NR2F1-AS1: variants seen among roughly 807,000 people sequenced by gnomAD.
NR2F1-AS1 encodes the protein NR2F1 regulatory antisense RNA 1.
chr5:93,520,899 A>G, intron 4 of NR2F1-AS1, among the ~76,000 whole-genome samples: 1 of 152,174 alleles, frequency 6.6e-6, no homozygotes, highest in East Asian at 1.9e-4. Flanking sequence ...GCACTTAGAA[A>G]CATCACAATA....
At chr5:93,418,920 T>C (rs998682771) in intron 4 of NR2F1-AS1, among the ~76,000 whole-genome samples, 3 of 152,216 alleles carry the variant, frequency 2.0e-5, no homozygotes, top group Admixed American at 6.5e-5. Flanking sequence ...CCTGGGTGTG[T>C]TGGATAAACT....
rs576280244 is a variant in NR2F1-AS1, at chr5:93,540,880, G to A, written n.638+12881C>T. 1.5e-4 allele frequency among the ~76,000 whole-genome samples: 23 copies of A among 152,270 alleles called. No homozygotes were observed. The South Asian group carries it at 3.5e-3, about 23-fold the overall frequency. On this transcript the variant is annotated intron_variant and non_coding_transcript_variant, in intron 4 of 5. Transcript: ENST00000660523. ...ACCAATACAAAAAAATGGTCACTCC[G>A]TTCTACTGTGCAAGTACATGAGTGC... is the stretch of plus-strand genomic sequence containing the variant.
chr5:93,416,423 A>G (rs967633443), intron 4 of NR2F1-AS1, among the ~76,000 whole-genome samples: 3 of 152,204 alleles, frequency 2.0e-5, no homozygotes, highest in Non-Finnish European at 4.4e-5. Flanking sequence ...AAATTCTCAT[A>G]TAGAACAGAG....
intron 4 of NR2F1-AS1, among the ~76,000 whole-genome samples, chr5:93,496,734 C>T (rs186669376): frequency 4.0e-4 from 61 of 152,210 alleles, no homozygotes; most frequent in African/African-American, 1.3e-3. Flanking sequence ...TCTCTTGTTG[C>T]TCTTGTTAAT....
chr5:93,410,495 G>C (rs553715318), intron 4 of NR2F1-AS1: 2 of 152,510 alleles, frequency 1.3e-5, no homozygotes, highest in African/African-American at 4.8e-5. Flanking sequence ...ATCAGTGGCA[G>C]CCTTAGATTC....
intron 4 of NR2F1-AS1, among the ~76,000 whole-genome samples, chr5:93,431,763 T>C (rs1165590822): frequency 6.6e-6 from 1 of 152,238 alleles, no homozygotes; most frequent in African/African-American, 2.4e-5. Flanking sequence ...TTTGTATTCA[T>C]GGAGTACATG....
At chr5:93,560,387 T>C (rs1752460648) in intron 2 of NR2F1-AS1, among the ~76,000 whole-genome samples, 2 of 152,330 alleles carry the variant, frequency 1.3e-5, no homozygotes, top group Non-Finnish European at 2.9e-5. Context: ...AAACTATTTG[T>C]CAAAACTCAA....
intron 4 of NR2F1-AS1, among the ~76,000 whole-genome samples, chr5:93,439,380 G>A (rs910208307): frequency 2.6e-5 from 4 of 152,152 alleles, no homozygotes; most frequent in South Asian, 2.1e-4. Flanking sequence ...TGCAGGCTCC[G>A]CCCCCCGGGG....
chr5:93,547,685 T>C (rs1752121087), intron 4 of NR2F1-AS1, among the ~76,000 whole-genome samples: 1 of 152,102 alleles, frequency 6.6e-6, no homozygotes, highest in African/African-American at 2.4e-5. Context: ...AATAAAGAAC[T>C]AACCAAATCC....
At chr5:93,575,267 T>C (rs895500052) in intron 1 of NR2F1-AS1, among the ~76,000 whole-genome samples, 2 of 152,252 alleles carry the variant, frequency 1.3e-5, no homozygotes, top group Non-Finnish European at 2.9e-5. Context: ...AGAAATCCAA[T>C]GTCCTTTTCT....
At chr5:93,437,612 GATC>G (rs941548782) in intron 4 of NR2F1-AS1, among the ~76,000 whole-genome samples, 17 of 152,258 alleles carry the variant, frequency 1.1e-4, no homozygotes, top group African/African-American at 4.1e-4. Context: ...ATTGTTAGCA[GATC>G]ATCAAACCTC....
At chr5:93,540,048 G>A (rs932495123) in intron 4 of NR2F1-AS1, among the ~76,000 whole-genome samples, 5 of 152,164 alleles carry the variant, frequency 3.3e-5, no homozygotes, top group African/African-American at 1.2e-4. Flanking sequence ...TATGCCTCAT[G>A]ACCACAAGTG....
At position 93,558,296 on chromosome 5, in the gene NR2F1-AS1, C is replaced by CT. The variant is rs1752407809; in HGVS notation, n.414-3302dup. Among the ~76,000 whole-genome samples, 3 of 151,776 alleles carry CT rather than the reference C, an allele frequency of 2.0e-5. No individual in the cohort carries two copies. In the South Asian group the frequency reaches 6.2e-4, roughly 32 times the overall value. On this transcript the variant is annotated intron_variant and non_coding_transcript_variant, in intron 2 of 5. Transcript: ENST00000660523. ...TCAGAGGAATCACTACGTATGGCAGCTATAGCCTTATAAAATGTATTTCTT... is the reference window on the plus strand; with the variant it reads ...TCAGAGGAATCACTACGTATGGCAGCTTATAGCCTTATAAAATGTATTTCTT...
intron 2 of NR2F1-AS1, chr5:93,563,250 A>G (rs1229309570): frequency 6.6e-6 from 1 of 152,238 alleles, no homozygotes; most frequent in Non-Finnish European, 1.5e-5. Flanking sequence ...GCTATAATAA[A>G]TAAGAAAGTG....
At chr5:93,478,453 G>C (rs1243541607) in intron 4 of NR2F1-AS1, among the ~76,000 whole-genome samples, 1 of 152,146 alleles carries the variant, frequency 6.6e-6, no homozygotes, top group Non-Finnish European at 1.5e-5. Context: ...ATCCAGGCTG[G>C]AGTACGGTGG....
At chr5:93,450,429 TAA>T in intron 4 of NR2F1-AS1, among the ~76,000 whole-genome samples, 1 of 152,286 alleles carries the variant, frequency 6.6e-6, no homozygotes, top group Admixed American at 6.5e-5. Context: ...AAAGTTACTA[TAA>T]AAACCTGTGC....
intron 4 of NR2F1-AS1, among the ~76,000 whole-genome samples, chr5:93,498,582 CA>C (rs1276051073): frequency 6.6e-6 from 1 of 151,842 alleles, no homozygotes; most frequent in African/African-American, 2.4e-5. Context: ...CAGAACAGCA[CA>C]AAGAAAAAAA....
chr5:93,510,488 G>A (rs1176615707), intron 4 of NR2F1-AS1, among the ~76,000 whole-genome samples: 4 of 152,014 alleles, frequency 2.6e-5, no homozygotes, highest in Non-Finnish European at 4.4e-5. Flanking sequence ...ATACATGATC[G>A]GCTAGTCAAT....
chr5:93,457,470 T>C (rs1041492611), intron 4 of NR2F1-AS1, among the ~76,000 whole-genome samples: 8 of 152,158 alleles, frequency 5.3e-5, no homozygotes, highest in African/African-American at 1.9e-4. Flanking sequence ...ATTAACAGCA[T>C]CTCGAGGCAA....
Sources: allele counts gnomAD v4.1 joint callset (sites outside exome capture counted in the v4.1 genomes callset), GRCh38; gene constraint gnomAD v4.1.1; transcripts MANE v1.5; gene names NCBI Gene and HGNC (gene_info 2026-07-23, HGNC 2026-07-21).